The following ITGA1 variants were observed in gnomAD, a reference collection of about 807,000 sequenced individuals.
The protein encoded by ITGA1 is integrin alpha-1.
ITGA1 carries 85 observed loss-of-function variants against 145.9 expected under a neutral mutation model. The ratio of observed to expected loss-of-function variants is 0.58; its 90% CI spans 0.49 to 0.70. The LOEUF (loss-of-function observed/expected upper bound fraction) is 0.70. Ranked by LOEUF, ITGA1 falls within the 30% of genes least tolerant of loss-of-function variation. The probability of loss-of-function intolerance (pLI) is 0.00; values close to 1 mark genes in which losing one functional copy is unlikely to be tolerated. For missense variants in ITGA1, 1,351 were observed against 1,418.7 expected, an observed-to-expected ratio of 0.95 and a Z score of 0.77; for synonymous variants, 520 against 495.3, an observed-to-expected ratio of 1.05 and a Z score of -0.66.
chr5:52,832,103 C>A (rs1041371369), intron 1 of ITGA1, among the ~76,000 whole-genome samples: 2 of 152,088 alleles, frequency 1.3e-5, no homozygotes, highest in African/African-American at 4.8e-5. Flanking sequence ...CTCTCTCCTT[C>A]CCTCATCTTG....
At chr5:52,859,447 G>T (rs1263036102) in intron 2 of ITGA1, among the ~76,000 whole-genome samples, 1 of 152,014 alleles carries the variant, frequency 6.6e-6, no homozygotes, top group Non-Finnish European at 1.5e-5. Flanking sequence ...GAGCATTTTT[G>T]TAGTTCTTTA....
rs1751243667 is a variant in ITGA1 at position 52,952,727 on chromosome 5, G to A, written c.*276G>A. On this transcript the variant is annotated 3_prime_UTR_variant, in exon 29 of 29. Transcript: ENST00000282588. ...TTTTTAAAAAAACCTGTACAAATAT[G>A]TTTATGTATTAAATCACCATCCAAA... 5.6e-6 allele frequency: 1 copy of A among 177,508 alleles called. No homozygotes were observed. Among genetic ancestry groups the A allele is most frequent in the Admixed American group, 6.2e-5 (1 of 16,056 alleles). The allele number at this position is 177,508 out of a possible 1,614,324, so 11.0% of individuals were successfully genotyped here.
chr5:52,848,902 T>C (rs1021226141), intron 1 of ITGA1, among the ~76,000 whole-genome samples: 1 of 152,164 alleles, frequency 6.6e-6, no homozygotes, highest in Admixed American at 6.5e-5. Flanking sequence ...ACAAAGGACA[T>C]GAACTCATCC....
At chr5:52,821,806 AT>A (rs1748883831) in intron 1 of ITGA1, among the ~76,000 whole-genome samples, 1 of 152,182 alleles carries the variant, frequency 6.6e-6, no homozygotes. Context: ...TTTATTAGGA[AT>A]CTAAATGCCT....
intron 20 of ITGA1, among the ~76,000 whole-genome samples, chr5:52,929,099 T>C (rs1750858805): frequency 6.6e-6 from 1 of 152,188 alleles, no homozygotes; most frequent in South Asian, 2.1e-4. Flanking sequence ...TACTATAAAC[T>C]GAGTAGCTTA....
intron 14 of ITGA1, among the ~76,000 whole-genome samples, chr5:52,913,512 A>AT (rs891892653): frequency 2.0e-5 from 3 of 152,026 alleles, no homozygotes; most frequent in African/African-American, 4.8e-5. Flanking sequence ...CCATAAGTGT[A>AT]TTTTTTTTCC....
intron 14 of ITGA1, among the ~76,000 whole-genome samples, chr5:52,911,960 A>G (rs1461585960): frequency 1.5e-5 from 1 of 67,794 alleles, no homozygotes; most frequent in East Asian, 3.7e-4. Context: ...TATACTATAT[A>G]TAGTGTATCT....
At chr5:52,927,765 G>C (rs187435767) in intron 20 of ITGA1, 101 bp downstream of exon 20, 47 of 767,046 alleles carry the variant, frequency 6.1e-5, no homozygotes, top group African/African-American at 6.1e-4. Flanking sequence ...AGGATAATAC[G>C]GATGAAAAAT....
intron 23 of ITGA1, among the ~76,000 whole-genome samples, chr5:52,935,223 G>A (rs867369308): frequency 6.6e-6 from 1 of 151,942 alleles, no homozygotes; most frequent in Non-Finnish European, 1.5e-5. Flanking sequence ...TGGAATAAAG[G>A]AGTTTTTTAA....
chr5:52,801,590 AT>A (rs1561212281), intron 1 of ITGA1: 1 of 1,614,124 alleles, frequency 6.2e-7, no homozygotes, highest in South Asian at 1.1e-5. Flanking sequence ...GAGAAGGCCA[AT>A]GAAGCCATGG....
intron 6 of ITGA1, among the ~76,000 whole-genome samples, chr5:52,877,399 C>G (rs1367374868): frequency 6.6e-6 from 1 of 152,018 alleles, no homozygotes; most frequent in African/African-American, 2.4e-5. Flanking sequence ...GAGTCGGGCT[C>G]CAACACCAGA....
chr5:52,849,344 G>A lies in ITGA1; in HGVS notation c.62-21G>A, dbSNP rs762150639. On this transcript the variant is annotated intron_variant, in intron 1 of 28. Coordinates refer to ENST00000282588, the MANE Select transcript of ITGA1 (RefSeq NM_181501.2). ...ACTCTTAGTTAACTCTATGTAACTG[G>A]ATTTTGTTTTTCTCCTAAAGTTGTT... The A allele has an allele frequency of 7.0e-6, 11 of 1,581,046 alleles. No homozygotes were observed. The African/African-American group carries it at 1.3e-4, about 19-fold the overall frequency.
At chr5:52,910,705 T>C (rs186908866) in intron 14 of ITGA1, among the ~76,000 whole-genome samples, 111 of 147,164 alleles carry the variant, frequency 7.5e-4, no homozygotes, top group African/African-American at 2.6e-3. Flanking sequence ...ACACACTATA[T>C]ACTATATATG....
At chr5:52,858,591 T>C (rs1002797725) in intron 2 of ITGA1, among the ~76,000 whole-genome samples, 2 of 152,226 alleles carry the variant, frequency 1.3e-5, no homozygotes, top group Non-Finnish European at 1.5e-5. Context: ...TTAAATACTT[T>C]CTAAAATCGT....
At chr5:52,887,583 A>G (rs142773573) in intron 7 of ITGA1, among the ~76,000 whole-genome samples, 82 of 152,284 alleles carry the variant, frequency 5.4e-4, no homozygotes, top group African/African-American at 1.8e-3. Context: ...CTTTTTATAT[A>G]TAGGATGTGT....
intron 14 of ITGA1, among the ~76,000 whole-genome samples, chr5:52,912,827 C>T (rs1049936570): frequency 2.0e-5 from 3 of 150,876 alleles, no homozygotes; most frequent in African/African-American, 7.3e-5. Context: ...GCTTACTGCA[C>T]GCTCCACCTC....
chr5:52,952,552 T>A lies in ITGA1; in HGVS notation c.*101T>A. 2.0e-6 allele frequency: 1 copy of A among 495,418 alleles called. No individual in the cohort carries two copies. Among genetic ancestry groups the A allele is most frequent in the Non-Finnish European group, 3.6e-6 (1 of 279,582 alleles). 30.7% of individuals were successfully genotyped at this position (495,418 alleles called of 1,614,324 possible). A position where few individuals can be genotyped will look rare whatever the true frequency, so the allele number is the denominator to read the frequency against. ...ATGTATAATTCATGACATAGTCATG[T>A]AACTATGTAATCCATCAGGGATTCA... On this transcript the variant is annotated 3_prime_UTR_variant, in exon 29 of 29. Coordinates refer to ENST00000282588, the MANE Select transcript of ITGA1 (RefSeq NM_181501.2).
At chr5:52,828,310 C>T (rs886986991) in intron 1 of ITGA1, among the ~76,000 whole-genome samples, 1 of 152,128 alleles carries the variant, frequency 6.6e-6, no homozygotes, top group Non-Finnish European at 1.5e-5. Flanking sequence ...CCTTGTCAAT[C>T]CTTATTTTCT....
intron 1 of ITGA1, among the ~76,000 whole-genome samples, chr5:52,844,990 G>C (rs1749310987): frequency 6.6e-6 from 1 of 152,048 alleles, no homozygotes; most frequent in Non-Finnish European, 1.5e-5. Context: ...TGTTCTTCAG[G>C]CTCTTCGGTG....
Sources: allele counts gnomAD v4.1 joint callset (sites outside exome capture counted in the v4.1 genomes callset), GRCh38; gene constraint gnomAD v4.1.1; transcripts MANE v1.5; gene names NCBI Gene and HGNC (gene_info 2026-07-23, HGNC 2026-07-21).